The following ITGA8 variants were observed in gnomAD, a reference collection of about 807,000 sequenced individuals.
ITGA8 encodes integrin alpha-8.
A neutral mutation model predicts 142.3 loss-of-function variants in ITGA8; 91 were observed. That is an observed-to-expected ratio of 0.64 (90% CI 0.54 to 0.76). The LOEUF (loss-of-function observed/expected upper bound fraction) is 0.76. Ranked by LOEUF, ITGA8 falls within the 30% of genes least tolerant of loss-of-function variation. The pLI is 0.00. For synonymous variants in ITGA8, 505 were observed against 485.2 expected (o/e 1.04, Z -0.54); for missense variants, 1,406 against 1,327.7 (o/e 1.06, Z -0.92).
At chr10:15,645,599 C>CT (rs975598476) in intron 12 of ITGA8, among the ~76,000 whole-genome samples, 7 of 152,162 alleles carry the variant, frequency 4.6e-5, no homozygotes, top group African/African-American at 1.7e-4. Context: ...TTGCTGAGAA[C>CT]TTTTTTTCAA....
chr10:15,613,743 A>C lies in ITGA8; in HGVS notation c.1470T>G (p.Asp490Glu). The change falls in exon 15 of 30, where the codon GAT (aspartate) becomes GAG (glutamate). Residue 490 changes from aspartate to glutamate, a missense_variant. Coordinates refer to ENST00000378076, the MANE Select transcript of ITGA8 (RefSeq NM_003638.3). ...VYRARPVVTVDAQLLLHPMII... is the reference protein window; with the variant it reads ...VYRARPVVTVEAQLLLHPMII... ...TCATTGGGTGCAGCAGAAGCTGGGCATCTACAGTCACAACCGGTCTTGCTC... is the reference window on the plus strand; with the variant it reads ...TCATTGGGTGCAGCAGAAGCTGGGCCTCTACAGTCACAACCGGTCTTGCTC... 6.2e-7 allele frequency: 1 copy of C among 1,614,098 alleles called. No individual in the cohort carries two copies. The highest frequency in any genetic ancestry group is 8.5e-7 in the Non-Finnish European group (1 of 1,179,918).
intron 25 of ITGA8, among the ~76,000 whole-genome samples, chr10:15,561,235 GTATATA>G (rs796194795): frequency 5.9e-5 from 6 of 101,578 alleles, no homozygotes; most frequent in Admixed American, 2.2e-4. Context: ...ATATATATAT[GTATATA>G]TATATATATA....
At chr10:15,589,092 T>C (rs1469210908) in intron 22 of ITGA8, among the ~76,000 whole-genome samples, 1 of 152,218 alleles carries the variant, frequency 6.6e-6, no homozygotes, top group Non-Finnish European at 1.5e-5. Flanking sequence ...CCATGGAAGC[T>C]GAACTATTTA....
chr10:15,660,761 A>C, intron 9 of ITGA8, 118 bp downstream of exon 9: 12 of 799,722 alleles, frequency 1.5e-5, no homozygotes, highest in East Asian at 1.0e-4. Context: ...AGGTGTATTA[A>C]GTGTGTTTTC....
chr10:15,591,925 G>A (rs989005021), intron 22 of ITGA8, among the ~76,000 whole-genome samples: 2 of 152,204 alleles, frequency 1.3e-5, no homozygotes, highest in African/African-American at 4.8e-5. Flanking sequence ...AATTAGGGTG[G>A]GGAAAGACAT....
intron 27 of ITGA8, among the ~76,000 whole-genome samples, chr10:15,546,088 G>A (rs565640935): frequency 3.7e-4 from 56 of 152,054 alleles, no homozygotes; most frequent in African/African-American, 1.2e-3. Context: ...AGGTCTTTGC[G>A]TGACTCAGGT....
intron 10 of ITGA8, among the ~76,000 whole-genome samples, chr10:15,657,520 T>TTTTTTTTTC (rs1834208747): frequency 6.8e-6 from 1 of 146,128 alleles, no homozygotes; most frequent in African/African-American, 2.5e-5. Context: ...ATTTTTTTTT[T>TTTTTTTTTC]TTTTTTTTTT....
chr10:15,614,910 G>A (rs897726312), intron 14 of ITGA8, among the ~76,000 whole-genome samples: 1 of 152,182 alleles, frequency 6.6e-6, no homozygotes, highest in Admixed American at 6.5e-5. Flanking sequence ...GATATACTGG[G>A]ATCAAACACT....
At chr10:15,664,553 A>C (rs1355141740) in intron 8 of ITGA8, among the ~76,000 whole-genome samples, 1 of 150,800 alleles carries the variant, frequency 6.6e-6, no homozygotes, top group Admixed American at 6.6e-5. Context: ...TTTAGGGTAC[A>C]TGTGCACAAT....
At chr10:15,684,774 A>G (rs573996362) in intron 3 of ITGA8, among the ~76,000 whole-genome samples, 11 of 152,332 alleles carry the variant, frequency 7.2e-5, no homozygotes, top group African/African-American at 2.4e-4. Context: ...TTGGACCTAC[A>G]TAAAAGCAAA....
intron 26 of ITGA8, among the ~76,000 whole-genome samples, chr10:15,550,774 T>C (rs1285991780): frequency 6.6e-6 from 1 of 152,066 alleles, no homozygotes; most frequent in African/African-American, 2.4e-5. Flanking sequence ...GGAGAACCTG[T>C]GATGCTTTTA....
chr10:15,523,242 A>G (rs1227758074), intron 28 of ITGA8, among the ~76,000 whole-genome samples: 1 of 152,228 alleles, frequency 6.6e-6, no homozygotes, highest in Non-Finnish European at 1.5e-5. Context: ...GTTTTGATGT[A>G]TCATCTATAT....
chr10:15,611,763 G>A (rs997276598), intron 15 of ITGA8, among the ~76,000 whole-genome samples: 2 of 150,568 alleles, frequency 1.3e-5, no homozygotes, highest in Non-Finnish European at 2.9e-5. Flanking sequence ...ACAGGCGTGA[G>A]CCACCGCGCC....
intron 19 of ITGA8, among the ~76,000 whole-genome samples, chr10:15,604,801 A>G (rs1457721987): frequency 6.6e-6 from 1 of 152,124 alleles, no homozygotes; most frequent in Non-Finnish European, 1.5e-5. Context: ...TAAAAGGAAG[A>G]GAGGTGGTTT....
At chr10:15,708,239 A>C (rs1165314985) in intron 2 of ITGA8, among the ~76,000 whole-genome samples, 1 of 152,148 alleles carries the variant, frequency 6.6e-6, no homozygotes, top group East Asian at 1.9e-4. Context: ...TTATAAGTAA[A>C]AGTGTGTTAA....
intron 13 of ITGA8, among the ~76,000 whole-genome samples, chr10:15,641,290 C>T (rs7923082): frequency 0.22 from 33,358 of 152,090 alleles, 3,845 homozygotes; most frequent in Admixed American, 0.31. Context: ...ATTGCAAGAT[C>T]ATCATTTTCT....
chr10:15,697,389 A>G (rs1455224125), intron 2 of ITGA8, among the ~76,000 whole-genome samples: 2 of 152,226 alleles, frequency 1.3e-5, no homozygotes, highest in African/African-American at 4.8e-5. Context: ...ACATTACGGC[A>G]CGTTTTGACA....
chr10:15,646,132 G>C (rs1833977635), intron 12 of ITGA8, among the ~76,000 whole-genome samples: 1 of 152,130 alleles, frequency 6.6e-6, no homozygotes, highest in South Asian at 2.1e-4. Context: ...TGCCTCTACT[G>C]AGAGCTATTA....
intron 27 of ITGA8, among the ~76,000 whole-genome samples, chr10:15,543,244 A>C (rs1221906689): frequency 6.6e-6 from 1 of 152,234 alleles, no homozygotes; most frequent in Non-Finnish European, 1.5e-5. Flanking sequence ...TATCTACCAG[A>C]GACAGAGAAA....
Sources: gnomAD v4.1 joint callset for allele counts (sites outside exome capture counted in the v4.1 genomes callset) on GRCh38, gnomAD v4.1.1 for gene constraint, MANE v1.5 for transcripts, NCBI Gene and HGNC (gene_info 2026-07-23, HGNC 2026-07-21) for gene names.